DCPH1: variants seen among roughly 807,000 people sequenced by gnomAD.
DCPH1 encodes the protein damage control phosphatase 1.
At chr6:151,463,854 T>A in the DCPH1 span, among the ~76,000 whole-genome samples, 1 of 152,234 alleles carries the variant, frequency 6.6e-6, no homozygotes, top group Non-Finnish European at 1.5e-5. Flanking sequence ...AATCTCTCAC[T>A]GGAAAACATG....
the DCPH1 span, among the ~76,000 whole-genome samples, chr6:151,455,650 G>T: frequency 6.6e-6 from 1 of 152,176 alleles, no homozygotes; most frequent in East Asian, 1.9e-4. Context: ...GTTTTATACC[G>T]AGACATTCCA....
At chr6:151,460,228 T>C in the DCPH1 span, among the ~76,000 whole-genome samples, 82,193 of 151,472 alleles carry the variant, frequency 0.54, 24,980 homozygotes, top group African/African-American at 0.82. Context: ...TACAGGCACC[T>C]CCCACCATGC....
chr6:151,457,688 T>C, the DCPH1 span, among the ~76,000 whole-genome samples: 16,512 of 152,182 alleles, frequency 0.11, 916 homozygotes, highest in Middle Eastern at 0.18. Flanking sequence ...AATGATCTTA[T>C]AAAAATACTC....
chr6:151,463,279 C>T, the DCPH1 span, among the ~76,000 whole-genome samples: 1 of 152,156 alleles, frequency 6.6e-6, no homozygotes, highest in Non-Finnish European at 1.5e-5. Flanking sequence ...TTATTTGGAA[C>T]TTCTTTCAGA....
the DCPH1 span, among the ~76,000 whole-genome samples, chr6:151,458,057 G>C: frequency 6.2e-4 from 94 of 152,232 alleles, no homozygotes; most frequent in South Asian, 6.0e-3. Flanking sequence ...TGGAAAATCT[G>C]GCAGGGGTTC....
chr6:151,462,484 T>A, the DCPH1 span, among the ~76,000 whole-genome samples: 2 of 152,258 alleles, frequency 1.3e-5, no homozygotes, highest in South Asian at 4.1e-4. Flanking sequence ...TTTGTGAGAC[T>A]CATCCATATG....
chr6:151,462,158 A>T, the DCPH1 span, among the ~76,000 whole-genome samples: 3 of 152,248 alleles, frequency 2.0e-5, no homozygotes, highest in African/African-American at 7.2e-5. Context: ...TACACTTCAG[A>T]TATTGAAAGA....
chr6:151,468,968 C>T, the DCPH1 span: 1 of 1,614,084 alleles, frequency 6.2e-7, no homozygotes, highest in African/African-American at 1.3e-5. Flanking sequence ...TTCCATCCTG[C>T]ACCACTCTGT....
At chr6:151,458,713 AT>A in the DCPH1 span, 3 of 623,296 alleles carry the variant, frequency 4.8e-6, no homozygotes, top group Non-Finnish European at 8.2e-6. Context: ...ATTGTTGGAC[AT>A]TTCTACAAAT....
the DCPH1 span, among the ~76,000 whole-genome samples, chr6:151,455,830 G>A: frequency 6.6e-6 from 1 of 152,258 alleles, no homozygotes. Context: ...ATCACATGGG[G>A]AGAAACCTTG....
At chr6:151,464,384 T>G in the DCPH1 span, 1 of 1,097,368 alleles carries the variant, frequency 9.1e-7, no homozygotes, top group Non-Finnish European at 1.3e-6. Flanking sequence ...GGTGCTATTT[T>G]CTTTCAAGAA....
At chr6:151,464,506 A>G in the DCPH1 span, 38 of 1,610,648 alleles carry the variant, frequency 2.4e-5, no homozygotes, top group East Asian at 6.7e-5. Context: ...CAAAATTTCT[A>G]TGGGTCACAG....
At chr6:151,464,679 C>T in the DCPH1 span, 5 of 1,084,320 alleles carry the variant, frequency 4.6e-6, no homozygotes, top group Non-Finnish European at 6.5e-6. Context: ...AACTGCTATA[C>T]AGTTAACAAA....
chr6:151,467,644 A>G, the DCPH1 span, among the ~76,000 whole-genome samples: 1 of 152,158 alleles, frequency 6.6e-6, no homozygotes, highest in Non-Finnish European at 1.5e-5. Context: ...TAAACTGAAG[A>G]TGCTGAGTTT....
chr6:151,460,119 G>A, the DCPH1 span, among the ~76,000 whole-genome samples: 3 of 151,840 alleles, frequency 2.0e-5, no homozygotes, highest in Admixed American at 2.0e-4. Flanking sequence ...TCGCTCTGTC[G>A]CCCAGGCTGG....
chr6:151,468,610 A>G, the DCPH1 span: 4 of 1,614,120 alleles, frequency 2.5e-6, no homozygotes, highest in Non-Finnish European at 3.4e-6. Context: ...TGAACTGGCT[A>G]CTGAGGTTCA....
At chr6:151,469,137 A>G in the DCPH1 span, 1 of 1,563,298 alleles carries the variant, frequency 6.4e-7, no homozygotes, top group South Asian at 1.2e-5. Flanking sequence ...TCAGTTGCAT[A>G]GAAAGATCTG....
At chr6:151,461,947 G>A in the DCPH1 span, among the ~76,000 whole-genome samples, 1 of 152,190 alleles carries the variant, frequency 6.6e-6, no homozygotes, top group Admixed American at 6.5e-5. Flanking sequence ...CAGCACTGAA[G>A]TAATTCTTAA....
chr6:151,452,945 CTGT>C, the DCPH1 span: 35 of 234,670 alleles, frequency 1.5e-4, no homozygotes, highest in African/African-American at 2.5e-4. Context: ...GGGTTTCTCC[CTGT>C]TGTTGATCAA....
Sources: gnomAD v4.1 joint callset for allele counts (sites outside exome capture counted in the v4.1 genomes callset) on GRCh38, gnomAD v4.1.1 for gene constraint, MANE v1.5 for transcripts, NCBI Gene and HGNC (gene_info 2026-07-23, HGNC 2026-07-21) for gene names.